The following CCDC158 variants were observed in gnomAD, a reference collection of about 807,000 sequenced individuals.
The protein encoded by CCDC158 is coiled-coil domain-containing protein 158.
CCDC158 carries 116 observed loss-of-function variants against 138.6 expected under a neutral mutation model. The ratio of observed to expected loss-of-function variants is 0.84; its 90% CI spans 0.72 to 0.98. The LOEUF (loss-of-function observed/expected upper bound fraction) is 0.98, where lower values mean the gene tolerates loss of function less well. Among genes scored for constraint, CCDC158 ranks in the 50% least tolerant of loss-of-function variants. The probability of loss-of-function intolerance (pLI) is 0.00; values close to 1 mark genes in which losing one functional copy is unlikely to be tolerated. For missense variants in CCDC158, 1,265 were observed against 1,306.1 expected, an observed-to-expected ratio of 0.97 and a Z score of 0.48; for synonymous variants, 436 against 442.4, an observed-to-expected ratio of 0.99 and a Z score of 0.18.
At chr4:76,369,768 G>A (rs970280829) in intron 10 of CCDC158, 145 bp from the exon 11 acceptor site, 1 of 691,958 alleles carries the variant, frequency 1.4e-6, no homozygotes. Flanking sequence ...TGGCTTAAGA[G>A]CAATTATTTC....
chr4:76,317,586 T>TCAA (rs1202284950), intron 24 of CCDC158, among the ~76,000 whole-genome samples: 3 of 152,072 alleles, frequency 2.0e-5, no homozygotes, highest in South Asian at 2.1e-4. Context: ...AGACAGAAAG[T>TCAA]CAACAACAAC....
At position 76,384,033 on chromosome 4, in the gene CCDC158, A is replaced by ATTC. The variant is rs1195089595; in HGVS notation, c.726+52_726+54dup. 7 of 1,218,224 alleles carry ATTC rather than the reference A, an allele frequency of 5.7e-6. No individual in the cohort carries two copies. The East Asian group carries it at 1.8e-4, about 31-fold the overall frequency. 75.5% of individuals were successfully genotyped at this position (1,218,224 alleles called of 1,614,324 possible). ...TTTTAAAAATTATACATCTAATGCT[A>ATTC]TTCTCTTAATGCATTTTAATATAAA... On this transcript the variant is annotated intron_variant, in intron 6 of 24. Coordinates refer to ENST00000682701, the MANE Select transcript of CCDC158 (RefSeq NM_001394954.1).
chr4:76,374,728 A>G (rs1390496187), intron 9 of CCDC158, among the ~76,000 whole-genome samples: 1 of 152,154 alleles, frequency 6.6e-6, no homozygotes, highest in Non-Finnish European at 1.5e-5. Flanking sequence ...AACCATTTCT[A>G]TCCTTGAGCA....
intron 24 of CCDC158, among the ~76,000 whole-genome samples, chr4:76,320,604 A>G (rs1719905705): frequency 6.6e-6 from 1 of 152,220 alleles, no homozygotes; most frequent in South Asian, 2.1e-4. Context: ...ACATAGACCA[A>G]TGGAACAGAA....
At chr4:76,418,830 A>G (rs1006474601) in intron 1 of CCDC158, among the ~76,000 whole-genome samples, 2 of 152,240 alleles carry the variant, frequency 1.3e-5, no homozygotes, top group African/African-American at 2.4e-5. Context: ...ATATCAAGGA[A>G]AGTGGGAAGT....
At chr4:76,333,848 A>G in intron 19 of CCDC158, 162 bp downstream of exon 19, 1 of 447,334 alleles carries the variant, frequency 2.2e-6, no homozygotes, top group East Asian at 3.3e-5. Flanking sequence ...GTTGTTTTAC[A>G]TTTGCTTAAC....
At chr4:76,375,474 A>G in intron 9 of CCDC158, 1 of 652,102 alleles carries the variant, frequency 1.5e-6, no homozygotes, top group Non-Finnish European at 2.8e-6. Flanking sequence ...AGGTTTGCAC[A>G]GAATCTTCCT....
intron 15 of CCDC158, among the ~76,000 whole-genome samples, chr4:76,354,811 T>C (rs1409583181): frequency 6.6e-6 from 1 of 152,210 alleles, no homozygotes; most frequent in Non-Finnish European, 1.5e-5. Context: ...ACGAGCTGCA[T>C]ATATACTTAA....
chr4:76,369,317 C>G, intron 11 of CCDC158, 109 bp downstream of exon 11: 1 of 895,680 alleles, frequency 1.1e-6, no homozygotes. Context: ...ATTTTAGGAG[C>G]CATTTTAGGT....
intron 18 of CCDC158, among the ~76,000 whole-genome samples, chr4:76,341,649 T>C (rs1560805134): frequency 6.6e-6 from 1 of 152,234 alleles, no homozygotes; most frequent in African/African-American, 2.4e-5. Flanking sequence ...GTATTTGAAA[T>C]ATTAATCTAA....
chr4:76,336,972 C>T (rs1721571552), intron 18 of CCDC158, among the ~76,000 whole-genome samples: 1 of 152,130 alleles, frequency 6.6e-6, no homozygotes, highest in Admixed American at 6.5e-5. Context: ...TTCACTACAA[C>T]AATAGAAATG....
intron 16 of CCDC158, 179 bp from the exon 17 acceptor site, chr4:76,351,991 G>C (rs1405302477): frequency 1.9e-6 from 1 of 528,364 alleles, no homozygotes; most frequent in Non-Finnish European, 3.3e-6. Context: ...TGGAGGCCAT[G>C]TTTTTATCCT....
chr4:76,405,152 A>G (rs1390504487), intron 2 of CCDC158, among the ~76,000 whole-genome samples: 1 of 152,226 alleles, frequency 6.6e-6, no homozygotes, highest in Non-Finnish European at 1.5e-5. Flanking sequence ...CCAGGCAAAA[A>G]AGATGAAATA....
At position 76,382,641 on chromosome 4, in the gene CCDC158, T is replaced by C; in HGVS notation, c.883A>G (p.Asn295Asp). ...EKASSARSQA[N>D]SIQSQMEIIQ... ...ATTTCCATTTGACTCTGGATACTAT[T>C]GGCTTGGCTTCGAGCACTGCTAGCT... Residue 295 changes from asparagine (N) to aspartate (D), a missense_variant, in exon 8 of 25, where the codon AAT becomes GAT. By Grantham distance (23) the Asn-to-Asp change is conservative. Transcript: ENST00000682701. 1 of 1,613,128 alleles carries C rather than the reference T, an allele frequency of 6.2e-7. No individual in the cohort carries two copies. The highest frequency in any genetic ancestry group is 8.5e-7 in the Non-Finnish European group (1 of 1,179,232).
In CCDC158 at chr4:76,367,709, G is replaced by A; in HGVS notation, c.1415C>T (p.Ser472Phe). The part of the protein sequence containing the change: ...KVSSLTAQLE[S>F]TKEMLRKVVE... ...TACTTTGCGCAGCATCTCTTTGGTG[G>A]ATTCAAGCTGAGCAGTCAAGGAGGA... Residue 472 changes from serine (S) to phenylalanine (F), a missense_variant, in exon 12 of 25, where the codon TCC (serine) becomes TTC (phenylalanine). Ser to Phe is a radical substitution (Grantham distance 155). Coordinates refer to ENST00000682701, the MANE Select transcript of CCDC158 (RefSeq NM_001394954.1). 2 of 1,613,994 alleles carry A rather than the reference G, an allele frequency of 1.2e-6. No homozygotes were observed. The highest frequency in any genetic ancestry group is 1.7e-6 in the Non-Finnish European group (2 of 1,179,990).
At position 76,421,075 on chromosome 4, in the gene CCDC158, T is replaced by C. The variant is rs1235234764; in HGVS notation, c.-227A>G. ...CGGCTGGGACGGGGCGGCTCCCCAC[T>C]CTTCGCCCCTAGGCCCCGCGGAGGC... On this transcript the variant is annotated 5_prime_UTR_variant, in exon 1 of 25. Coordinates refer to ENST00000682701, the MANE Select transcript of CCDC158 (RefSeq NM_001394954.1). Among the ~76,000 whole-genome samples the C allele has an allele frequency of 2.6e-5, 4 of 151,754 alleles. No homozygotes were observed. Among genetic ancestry groups the C allele is most frequent in the African/African-American group, 7.3e-5 (3 of 41,308 alleles).
intron 9 of CCDC158, among the ~76,000 whole-genome samples, chr4:76,378,736 T>C (rs186945586): frequency 6.6e-6 from 1 of 152,176 alleles, no homozygotes; most frequent in Non-Finnish European, 1.5e-5. Context: ...TGATACTGAA[T>C]AGCTTCTCTT....
At chr4:76,342,071 T>G (rs1722101289) in intron 18 of CCDC158, among the ~76,000 whole-genome samples, 1 of 152,168 alleles carries the variant, frequency 6.6e-6, no homozygotes, top group Non-Finnish European at 1.5e-5. Flanking sequence ...ATTACTATTA[T>G]TATTATTTTT....
At chr4:76,328,844 C>T (rs1196135446) in intron 22 of CCDC158, 56 bp downstream of exon 22, 13 of 1,431,512 alleles carry the variant, frequency 9.1e-6, no homozygotes, top group South Asian at 3.4e-5. Flanking sequence ...CTTTTACCCT[C>T]GTGGAAATGG....
Sources: gnomAD v4.1 joint callset for allele counts (sites outside exome capture counted in the v4.1 genomes callset) on GRCh38, gnomAD v4.1.1 for gene constraint, MANE v1.5 for transcripts, NCBI Gene and HGNC (gene_info 2026-07-23, HGNC 2026-07-21) for gene names.